Variants in KCNAB2 observed in about 807,000 individuals in gnomAD.
KCNAB2 encodes voltage-gated potassium channel subunit beta-2.
In KCNAB2, 29 loss-of-function variants were observed where a neutral mutation model predicts 63.6. The ratio of observed to expected loss-of-function variants is 0.46; its 90% CI spans 0.34 to 0.62. The LOEUF (loss-of-function observed/expected upper bound fraction) is 0.62, where lower values mean the gene tolerates loss of function less well. Ranked by LOEUF, KCNAB2 falls within the 20% of genes least tolerant of loss-of-function variation. The pLI is 0.01. For missense variants in KCNAB2, 359 were observed against 563.9 expected (o/e 0.64, Z 3.68); for synonymous variants, 222 against 224.2 (o/e 0.99, Z 0.09).
rs573192863 is a variant in KCNAB2, at chr1:6,069,721, G to A, written c.219-3034G>A. Among the ~76,000 whole-genome samples the A allele has an allele frequency of 3.9e-5, 6 of 152,224 alleles. No individual in the cohort carries two copies. The highest frequency in any genetic ancestry group is 4.1e-4 in the South Asian group (2 of 4,834). ...CACGCAGCAGCCATGCTTACAAAGC[G>A]TTCAGCCTGGAGGCGCCCTGTCCCT... On this transcript the variant is annotated intron_variant, in intron 2 of 15. Transcript: ENST00000378083. This position sits in a 1 kb window ranked among gnomAD's most constrained non-coding sequence, Gnocchi z 5.4.
chr1:6,039,978 AGGGCAGGAATCCCAGGAGCTGC>A (rs571895719), intron 1 of KCNAB2, among the ~76,000 whole-genome samples: 236 of 152,358 alleles, frequency 1.5e-3, no homozygotes, highest in African/African-American at 4.7e-3. Context: ...GGGCTGCCCA[AGGGCAGGAATCCCAGGAGCTGC>A]GGACATCAGT....
At chr1:5,993,057 A>ACCCCTG (rs1445988785) in intron 1 of KCNAB2, among the ~76,000 whole-genome samples, 1 of 99,480 alleles carries the variant, frequency 1.0e-5, no homozygotes, top group African/African-American at 4.0e-5. Context: ...CGCATCCCTG[A>ACCCCTG]CCCCTGCCCC....
intron 2 of KCNAB2, among the ~76,000 whole-genome samples, chr1:6,054,036 C>T (rs1039225185): frequency 7.2e-6 from 1 of 138,454 alleles, no homozygotes; most frequent in Non-Finnish European, 1.5e-5. Context: ...GAGTGAGACC[C>T]TGTCTTAAAA....
chr1:6,041,662 C>A, upstream of KCNAB2: 1 of 613,256 alleles, frequency 1.6e-6, no homozygotes, highest in Non-Finnish European at 2.9e-6. Flanking sequence ...CACTTGGCAC[C>A]GGCTGCGCTT....
chr1:6,015,007 G>T (rs1472120362), intron 1 of KCNAB2, among the ~76,000 whole-genome samples: 8 of 143,008 alleles, frequency 5.6e-5, no homozygotes, highest in Admixed American at 4.9e-4. Context: ...TACAGACGGG[G>T]TCACCTTCCT....
intron 11 of KCNAB2, among the ~76,000 whole-genome samples, chr1:6,095,027 T>C (rs1665499595): frequency 6.6e-6 from 1 of 152,226 alleles, no homozygotes; most frequent in South Asian, 2.1e-4. Context: ...TTCAGTAACA[T>C]GCCAAGGTCA....
chr1:6,066,473 C>T (rs1662764870), intron 2 of KCNAB2, among the ~76,000 whole-genome samples: 1 of 152,220 alleles, frequency 6.6e-6, no homozygotes, highest in African/African-American at 2.4e-5. Flanking sequence ...CCGGTCAGTG[C>T]TAAGTTTCTT....
At chr1:6,040,325 G>A (rs1347868779) in intron 1 of KCNAB2, among the ~76,000 whole-genome samples, 2 of 152,094 alleles carry the variant, frequency 1.3e-5, no homozygotes, top group Non-Finnish European at 2.9e-5. Flanking sequence ...CCCCTCCTGA[G>A]CCCGTGGACC....
Position 6,009,753 on chromosome 1 carries a change from C to T in KCNAB2, c.-53+16965C>T, listed in dbSNP as rs940934185. Among the ~76,000 whole-genome samples, 49 of 152,352 alleles carry T rather than the reference C, an allele frequency of 3.2e-4. 1 individual carries two copies. The highest frequency in any genetic ancestry group is 1.2e-3 in the African/African-American group (48 of 41,588). ...GCCCTGCGGTTTCTATCGGAGTGCT[C>T]TCTGACCCCCGGTGTTCCCTCTCTG... On this transcript the variant is annotated intron_variant, in intron 1 of 16. Transcript: ENST00000341524.
chr1:6,031,581 C>A (rs1375828365), upstream of KCNAB2, among the ~76,000 whole-genome samples: 1 of 152,172 alleles, frequency 6.6e-6, no homozygotes, highest in Non-Finnish European at 1.5e-5. The surrounding 1 kb of genome is among the most constrained non-coding windows in gnomAD (Gnocchi z 4.1). Context: ...ATGGGTCCAC[C>A]TTTTCCAAAA....
intron 1 of KCNAB2, among the ~76,000 whole-genome samples, chr1:6,019,513 G>C (rs1425913465): frequency 1.3e-5 from 2 of 152,176 alleles, no homozygotes; most frequent in African/African-American, 4.8e-5. Context: ...CATTAAAAGA[G>C]AGTGGCAGGG....
intron 2 of KCNAB2, among the ~76,000 whole-genome samples, chr1:6,057,296 C>G (rs1661922765): frequency 6.6e-6 from 1 of 152,000 alleles, no homozygotes; most frequent in Admixed American, 6.6e-5. Flanking sequence ...TTACCACAAG[C>G]TCAGGTTCAC....
At chr1:6,060,342 A>G (rs1335506079) in intron 2 of KCNAB2, among the ~76,000 whole-genome samples, 1 of 152,184 alleles carries the variant, frequency 6.6e-6, no homozygotes, top group Non-Finnish European at 1.5e-5. Context: ...AGCCACACTC[A>G]CAGCACTTAG....
chr1:6,030,448 CGTGTGT>C (rs139805306), upstream of KCNAB2, among the ~76,000 whole-genome samples: 5 of 150,174 alleles, frequency 3.3e-5, no homozygotes, highest in African/African-American at 9.8e-5. Context: ...ACCCCTCCAA[CGTGTGT>C]GTGTGTGTGT....
intron 1 of KCNAB2, among the ~76,000 whole-genome samples, chr1:6,021,801 ACAGTT>A (rs1658839995): frequency 6.8e-6 from 1 of 147,678 alleles, no homozygotes; most frequent in Admixed American, 6.8e-5. Context: ...TATTGAGTGT[ACAGTT>A]CAGTGGTATT....
At chr1:6,041,711 C>T (rs1295086), upstream of KCNAB2, 73,264 of 852,492 alleles carry the variant, frequency 0.086, 3,981 homozygotes, top group Admixed American at 0.18. Context: ...GGTGGGGGCC[C>T]GGGGGCATGG....
At chr1:6,084,623 C>A (rs780378805) in intron 5 of KCNAB2, among the ~76,000 whole-genome samples, 6 of 152,272 alleles carry the variant, frequency 3.9e-5, no homozygotes, top group Admixed American at 2.0e-4. Flanking sequence ...CGAGACCAGC[C>A]TGGCCAACAT....
At chr1:6,067,184 C>T (rs1464960181) in intron 2 of KCNAB2, among the ~76,000 whole-genome samples, 1 of 152,208 alleles carries the variant, frequency 6.6e-6, no homozygotes, top group Non-Finnish European at 1.5e-5. Context: ...ATCCTCCAGG[C>T]ATAAAGGAAG....
At chr1:6,057,459 A>G (rs1661935415) in intron 2 of KCNAB2, among the ~76,000 whole-genome samples, 2 of 149,990 alleles carry the variant, frequency 1.3e-5, no homozygotes, top group African/African-American at 4.9e-5. Flanking sequence ...GAGGAGGGGA[A>G]GGAGAAAAAC....
Sources: allele counts gnomAD v4.1 joint callset (sites outside exome capture counted in the v4.1 genomes callset), GRCh38; gene constraint gnomAD v4.1.1; non-coding constraint Gnocchi (gnomAD v3.1); transcripts MANE v1.5; gene names NCBI Gene and HGNC (gene_info 2026-07-23, HGNC 2026-07-21).